Variants in MAP4K3 observed in about 807,000 individuals in gnomAD.
The protein encoded by MAP4K3 is MAPK/ERK kinase kinase kinase 3.
In MAP4K3, 94 loss-of-function variants were observed where a neutral mutation model predicts 143.5. That is an observed-to-expected ratio of 0.65 (90% CI 0.55 to 0.78). MAP4K3 has a LOEUF of 0.78. Ranked by LOEUF, MAP4K3 falls within the 30% of genes least tolerant of loss-of-function variation. MAP4K3 has a pLI of 0.00. For synonymous variants in MAP4K3, 416 were observed against 347.2 expected, an observed-to-expected ratio of 1.20 and a Z score of -2.20; for missense variants, 1,077 against 1,068.1, an observed-to-expected ratio of 1.01 and a Z score of -0.12.
chr2:39,379,479 G>A (rs1485968798), intron 1 of MAP4K3, among the ~76,000 whole-genome samples: 1 of 151,912 alleles, frequency 6.6e-6, no homozygotes, highest in East Asian at 1.9e-4. Context: ...AGACAGTGCT[G>A]GATACTAGTT....
chr2:39,370,399 G>C (rs539065419), intron 2 of MAP4K3, among the ~76,000 whole-genome samples: 15 of 152,290 alleles, frequency 9.8e-5, no homozygotes, highest in Non-Finnish European at 1.8e-4. Context: ...ACTCAAGGGA[G>C]ATGGGAAAAG....
intron 3 of MAP4K3, among the ~76,000 whole-genome samples, chr2:39,345,083 A>T (rs1449897881): frequency 1.3e-5 from 2 of 152,168 alleles, no homozygotes; most frequent in Non-Finnish European, 2.9e-5. Context: ...TAAAAAGTGG[A>T]GATGCTGAGC....
At chr2:39,271,922 T>C (rs1040710455) in intron 26 of MAP4K3, 1 of 171,392 alleles carries the variant, frequency 5.8e-6, no homozygotes, top group Non-Finnish European at 1.2e-5. Flanking sequence ...AATAAATCAT[T>C]TTGATTTTCT....
At chr2:39,383,578 T>A (rs781759928) in intron 1 of MAP4K3, among the ~76,000 whole-genome samples, 2 of 152,074 alleles carry the variant, frequency 1.3e-5, no homozygotes, top group African/African-American at 4.8e-5. Context: ...ATCCCTGGTT[T>A]ACCCAGAGTA....
chr2:39,369,193 G>GTTTTTTTTT (rs1553419595), intron 2 of MAP4K3, among the ~76,000 whole-genome samples: 1 of 37,978 alleles, frequency 2.6e-5, no homozygotes, highest in Non-Finnish European at 7.1e-5. Flanking sequence ...CTTTGGGCTA[G>GTTTTTTTTT]TTTTTTTTTT....
At chr2:39,391,460 GT>G (rs1666658019) in intron 1 of MAP4K3, among the ~76,000 whole-genome samples, 1 of 150,660 alleles carries the variant, frequency 6.6e-6, no homozygotes. Flanking sequence ...GATTCTGAAA[GT>G]TCTGTGGCAA....
chr2:39,278,223 G>C (rs1681358957), intron 24 of MAP4K3, among the ~76,000 whole-genome samples, 184 bp downstream of exon 24: 1 of 151,494 alleles, frequency 6.6e-6, no homozygotes, highest in Non-Finnish European at 1.5e-5. Context: ...AGTGAGCCGA[G>C]ATCACACCAC....
At chr2:39,307,650 C>G (rs564620993) in intron 15 of MAP4K3, among the ~76,000 whole-genome samples, 6 of 150,730 alleles carry the variant, frequency 4.0e-5, no homozygotes, top group African/African-American at 1.2e-4. Context: ...GACATTTTTA[C>G]AGGGAAATGC....
At chr2:39,329,768 G>C (rs1324165351) in intron 8 of MAP4K3, among the ~76,000 whole-genome samples, 3 of 152,174 alleles carry the variant, frequency 2.0e-5, no homozygotes, top group African/African-American at 7.2e-5. Flanking sequence ...TACGTATATA[G>C]AACAATGAAC....
chr2:39,352,455 A>T (rs576075470), intron 3 of MAP4K3, among the ~76,000 whole-genome samples: 100 of 152,334 alleles, frequency 6.6e-4, no homozygotes, highest in African/African-American at 2.2e-3. Flanking sequence ...CTTTAGTTTA[A>T]AAGAAGTAAT....
At position 39,294,194 on chromosome 2, in the gene MAP4K3, C is replaced by T. The variant is rs917246845; in HGVS notation, c.1179-926G>A. 3.6e-4 allele frequency: 54 copies of T among 152,050 alleles called. 1 individual carries two copies. Among genetic ancestry groups the T allele is most frequent in the African/African-American group, 1.3e-3 (54 of 41,392 alleles). 9.4% of individuals were successfully genotyped at this position (152,050 alleles called of 1,614,324 possible). A position where few individuals can be genotyped will look rare whatever the true frequency, so the allele number is the denominator to read the frequency against. ...TCAGGTAGCACCTTTTAATTATTTT[C>T]CCTCCTAATACATATCAGGAAAAAC... is the stretch of plus-strand genomic sequence containing the variant. On this transcript the variant is annotated intron_variant, in intron 16 of 33. Coordinates refer to ENST00000263881, the MANE Select transcript of MAP4K3 (RefSeq NM_003618.4).
chr2:39,396,229 T>C (rs1666801243), intron 1 of MAP4K3, among the ~76,000 whole-genome samples: 1 of 150,914 alleles, frequency 6.6e-6, no homozygotes, highest in Admixed American at 6.6e-5. Flanking sequence ...AATGTAGAAA[T>C]GGGGTCTCAC....
intron 3 of MAP4K3, among the ~76,000 whole-genome samples, chr2:39,344,490 C>T (rs1665229555): frequency 6.6e-6 from 1 of 152,316 alleles, no homozygotes; most frequent in East Asian, 1.9e-4. Context: ...CATTGGAACA[C>T]AGTCATACTC....
chr2:39,411,550 C>T (rs907508852), intron 1 of MAP4K3, among the ~76,000 whole-genome samples: 5 of 152,156 alleles, frequency 3.3e-5, no homozygotes, highest in Admixed American at 1.3e-4. Flanking sequence ...CTTTGCTAGA[C>T]GATTAAACTA....
chr2:39,333,572 T>A lies in MAP4K3; in HGVS notation c.417A>T (p.Gly139=), dbSNP rs777274433. 6.3e-7 allele frequency: 1 copy of A among 1,598,206 alleles called. No homozygotes were observed. The highest frequency in any genetic ancestry group is 8.6e-7 in the Non-Finnish European group (1 of 1,167,066). The change falls in exon 7 of 34, where the codon GGA becomes GGT. Residue 139 remains glycine (G), a splice_region_variant and synonymous_variant. Coordinates refer to ENST00000263881, the MANE Select transcript of MAP4K3 (RefSeq NM_003618.4). ...CATTATCCGTTAATAGAATGTTAGC[T>A]CCCTTCAAAGTAACAATATTTTAGT... ...SKGKMHRDIK[G]ANILLTDNGH...
At chr2:39,262,442 G>A (rs1573066175) in intron 28 of MAP4K3, among the ~76,000 whole-genome samples, 1 of 151,924 alleles carries the variant, frequency 6.6e-6, no homozygotes, top group African/African-American at 2.4e-5. Flanking sequence ...TTTTTAATAA[G>A]GTACAGCAAC....
At chr2:39,396,603 A>T (rs1402557649) in intron 1 of MAP4K3, among the ~76,000 whole-genome samples, 2 of 150,746 alleles carry the variant, frequency 1.3e-5, no homozygotes, top group South Asian at 4.2e-4. Flanking sequence ...CCTCCCAAGT[A>T]GCTGGGACTA....
In MAP4K3 at chr2:39,260,751, T is replaced by G. The variant is rs1264545598; in HGVS notation, c.2163A>C (p.Pro721=). 1 of 1,612,808 alleles carries G rather than the reference T, an allele frequency of 6.2e-7. No individual in the cohort carries two copies. Among genetic ancestry groups the G allele is most frequent in the Non-Finnish European group, 8.5e-7 (1 of 1,179,102 alleles). Residue 721 remains proline (P), a synonymous_variant, in exon 29 of 34, where the codon CCA becomes CCC. Coordinates refer to ENST00000263881, the MANE Select transcript of MAP4K3 (RefSeq NM_003618.4). ...CTACCAGCATTTCAAACATTCTAAG[T>G]GGACATGGTATAGGAAAATCTATGT... ...IKHIDFPIPC[P]LRMFEMLVVP...
chr2:39,384,374 C>T (rs1414441500), intron 1 of MAP4K3, among the ~76,000 whole-genome samples: 1 of 152,120 alleles, frequency 6.6e-6, no homozygotes, highest in Non-Finnish European at 1.5e-5. Flanking sequence ...GATGAAACAC[C>T]ATCTCTACTA....
Sources: allele counts gnomAD v4.1 joint callset (sites outside exome capture counted in the v4.1 genomes callset), GRCh38; gene constraint gnomAD v4.1.1; transcripts MANE v1.5; gene names NCBI Gene and HGNC (gene_info 2026-07-23, HGNC 2026-07-21).